Variants in KAZN observed in about 807,000 individuals in gnomAD.
KAZN encodes the protein kazrin.
In KAZN, 40 loss-of-function variants were observed where a neutral mutation model predicts 87.4. The ratio of observed to expected loss-of-function variants is 0.46; its 90% CI spans 0.36 to 0.60. KAZN has a LOEUF of 0.60. Ranked by LOEUF, KAZN falls within the 20% of genes least tolerant of loss-of-function variation. KAZN has a pLI of 0.00. For synonymous variants in KAZN, 466 were observed against 458.3 expected, an observed-to-expected ratio of 1.02 and a Z score of -0.22; for missense variants, 898 against 1,073.9, an observed-to-expected ratio of 0.84 and a Z score of 2.29.
At chr1:15,044,270 G>A in intron 4 of KAZN, 111 bp downstream of exon 4, 2 of 413,334 alleles carry the variant, frequency 4.8e-6, no homozygotes, top group Non-Finnish European at 4.2e-6. Context: ...GGTGGGTGGG[G>A]CAGAGCAGAA....
chr1:14,885,811 C>T (rs1471739288), intron 1 of KAZN, among the ~76,000 whole-genome samples: 2 of 152,180 alleles, frequency 1.3e-5, no homozygotes, highest in Non-Finnish European at 2.9e-5. Flanking sequence ...TCTTGCAAAG[C>T]CCAGCCTCCC....
At chr1:14,111,740 C>CTTTT (rs68167208) in intron 1 of KAZN, among the ~76,000 whole-genome samples, 3,519 of 80,746 alleles carry the variant, frequency 0.044, 627 homozygotes, top group African/African-American at 0.17. Flanking sequence ...AGATTCTTTT[C>CTTTT]TTTTTTTTTT....
chr1:14,793,924 C>T lies in KAZN; in HGVS notation c.227-166760C>T, dbSNP rs533825149. On this transcript the variant is annotated intron_variant, in intron 1 of 14. Coordinates refer to ENST00000376030, the MANE Select transcript of KAZN (RefSeq NM_201628.3). Reference sequence around the variant, plus strand: ...GCCGTGCCCTCGCCTGTTAGGGGCCCCATGAAACCACACAGCCCGCAGCCT... The same window carrying T: ...GCCGTGCCCTCGCCTGTTAGGGGCCTCATGAAACCACACAGCCCGCAGCCT... 9.8e-5 allele frequency among the ~76,000 whole-genome samples: 15 copies of T among 152,292 alleles called. No individual in the cohort carries two copies. In the South Asian group the frequency reaches 2.1e-3, roughly 21 times the overall value.
intron 2 of KAZN, among the ~76,000 whole-genome samples, chr1:14,198,243 G>T (rs1280633088): frequency 6.6e-6 from 1 of 152,178 alleles, no homozygotes; most frequent in African/African-American, 2.4e-5. Context: ...GAGAAGGATG[G>T]TGATAAAAAT....
intron 2 of KAZN, among the ~76,000 whole-genome samples, chr1:14,420,191 C>T (rs561032403): frequency 5.9e-5 from 9 of 152,064 alleles, no homozygotes; most frequent in Non-Finnish European, 8.8e-5. Flanking sequence ...CTGATTGGTG[C>T]GTTTACAAAC....
intron 2 of KAZN, among the ~76,000 whole-genome samples, chr1:14,260,460 G>A (rs6667451): frequency 0.12 from 18,162 of 152,120 alleles, 1,618 homozygotes; most frequent in East Asian, 0.38. Context: ...AGAGCATTTC[G>A]ATGACCCGCA....
intron 1 of KAZN, among the ~76,000 whole-genome samples, chr1:14,626,279 A>T (rs1223219344): frequency 6.6e-6 from 1 of 152,234 alleles, no homozygotes; most frequent in African/African-American, 2.4e-5. Context: ...ATTCTGACAT[A>T]TGCACTAAGT....
chr1:13,976,869 A>AAAAGTGC (rs1384272256), intron 1 of KAZN, among the ~76,000 whole-genome samples: 3 of 152,168 alleles, frequency 2.0e-5, no homozygotes, highest in Non-Finnish European at 4.4e-5. Context: ...ACCTTCCCTA[A>AAAAGTGC]AAAGTGCAGT....
At chr1:14,229,991 C>T (rs186142909) in intron 2 of KAZN, among the ~76,000 whole-genome samples, 1 of 152,248 alleles carries the variant, frequency 6.6e-6, no homozygotes, top group Non-Finnish European at 1.5e-5. Context: ...TCCGAGAGAA[C>T]CTTCCACAGT....
chr1:15,050,514 C>T (rs1242355833), intron 4 of KAZN, among the ~76,000 whole-genome samples: 7 of 152,314 alleles, frequency 4.6e-5, no homozygotes, highest in South Asian at 2.1e-4. Flanking sequence ...GATGAGCGGG[C>T]GGAGAAGCAG....
chr1:14,369,103 G>T (rs1009145886), intron 2 of KAZN, among the ~76,000 whole-genome samples: 4 of 152,212 alleles, frequency 2.6e-5, no homozygotes, highest in Admixed American at 2.6e-4. Context: ...CTTACACCAA[G>T]ATGTGTTTCT....
intron 2 of KAZN, among the ~76,000 whole-genome samples, chr1:14,282,185 C>A (rs1305665286): frequency 6.6e-6 from 1 of 152,168 alleles, no homozygotes; most frequent in African/African-American, 2.4e-5. Context: ...TTTGTCCATA[C>A]CCTGCACCAG....
intron 2 of KAZN, among the ~76,000 whole-genome samples, chr1:14,313,042 A>G (rs764051887): frequency 3.9e-5 from 6 of 152,222 alleles, no homozygotes; most frequent in Non-Finnish European, 5.9e-5. Flanking sequence ...TGTTTGCAGC[A>G]TTAGATAACT....
intron 1 of KAZN, among the ~76,000 whole-genome samples, chr1:14,130,386 G>C (rs1644967129): frequency 2.0e-5 from 3 of 152,104 alleles, no homozygotes; most frequent in African/African-American, 7.2e-5. Flanking sequence ...ACAAGTGCCT[G>C]TTGGTATATT....
intron 3 of KAZN, among the ~76,000 whole-genome samples, chr1:15,037,633 G>A (rs1464901277): frequency 6.6e-6 from 1 of 152,086 alleles, no homozygotes; most frequent in Non-Finnish European, 1.5e-5. Context: ...TTCAGAGTCA[G>A]CCATTTGATC....
intron 1 of KAZN, among the ~76,000 whole-genome samples, chr1:14,934,428 A>G (rs1660213430): frequency 6.6e-6 from 1 of 151,360 alleles, no homozygotes; most frequent in Admixed American, 6.6e-5. Flanking sequence ...ACTGGTCTTG[A>G]ACTCCTGACC....
chr1:14,722,411 T>TA (rs1393121051), intron 1 of KAZN, among the ~76,000 whole-genome samples: 1 of 152,202 alleles, frequency 6.6e-6, no homozygotes, highest in African/African-American at 2.4e-5. Context: ...CTAATTAACA[T>TA]AAAAAATTCA....
At chr1:14,681,643 A>T (rs78775309) in intron 1 of KAZN, among the ~76,000 whole-genome samples, 3 of 9,986 alleles carry the variant, frequency 3.0e-4, no homozygotes, top group Non-Finnish European at 4.2e-4. Context: ...ATATATATAT[A>T]TATATATATA....
chr1:14,297,144 C>T (rs2100766133), intron 2 of KAZN, among the ~76,000 whole-genome samples: 1 of 152,246 alleles, frequency 6.6e-6, no homozygotes, highest in East Asian at 1.9e-4. Context: ...TTCTCCCCCA[C>T]AAGAAGCCAG....
Sources: allele counts gnomAD v4.1 joint callset (sites outside exome capture counted in the v4.1 genomes callset), GRCh38; gene constraint gnomAD v4.1.1; transcripts MANE v1.5; gene names NCBI Gene and HGNC (gene_info 2026-07-23, HGNC 2026-07-21).